The following CSMD1 variants were observed in gnomAD, a reference collection of about 807,000 sequenced individuals.
CSMD1 encodes CUB and Sushi multiple domains 1.
A neutral mutation model predicts 417.5 loss-of-function variants in CSMD1; 213 were observed. The ratio of observed to expected loss-of-function variants is 0.51; its 90% CI spans 0.46 to 0.57. The LOEUF is 0.57. Ranked by LOEUF, CSMD1 falls within the 20% of genes least tolerant of loss-of-function variation. CSMD1 has a pLI of 0.00. For missense variants in CSMD1, 6,923 were observed against 4,529.7 expected (o/e 1.53, Z -15.17); for synonymous variants, 2,862 against 1,736.8 (o/e 1.65, Z -16.11).
intron 3 of CSMD1, among the ~76,000 whole-genome samples, chr8:4,159,995 T>C (rs1647291): frequency 0.63 from 95,250 of 151,748 alleles, 31,183 homozygotes; most frequent in Non-Finnish European, 0.72. Flanking sequence ...CAATGTATAA[T>C]GCTCTGGTGA....
chr8:3,488,989 A>C (rs1041021200), intron 11 of CSMD1, among the ~76,000 whole-genome samples: 1 of 152,198 alleles, frequency 6.6e-6, no homozygotes, highest in Non-Finnish European at 1.5e-5. Flanking sequence ...TCAATTGTTT[A>C]TGCTTTCCCC....
At chr8:4,955,158 C>A (rs368509232) in intron 1 of CSMD1, among the ~76,000 whole-genome samples, 3 of 152,104 alleles carry the variant, frequency 2.0e-5, no homozygotes, top group Non-Finnish European at 4.4e-5. Flanking sequence ...TATCAGAAAC[C>A]CTCTGAGTGC....
At chr8:3,308,556 T>A (rs1805072778) in intron 23 of CSMD1, 53 bp from the exon 24 acceptor site, 4 of 1,455,174 alleles carry the variant, frequency 2.7e-6, no homozygotes, top group Non-Finnish European at 3.8e-6. Flanking sequence ...GACATCTGCC[T>A]TAAAACAGAG....
intron 6 of CSMD1, among the ~76,000 whole-genome samples, chr8:3,712,402 CAGACAGACAG>C (rs1801573084): frequency 1.2e-5 from 1 of 84,584 alleles, no homozygotes; most frequent in Admixed American, 1.2e-4. Context: ...GAGAGAGAGA[CAGACAGACAG>C]ACAGACAGAC....
chr8:3,881,688 T>TG (rs1318607249), intron 5 of CSMD1, among the ~76,000 whole-genome samples: 2 of 150,302 alleles, frequency 1.3e-5, no homozygotes, highest in Non-Finnish European at 3.0e-5. Flanking sequence ...AAAAACAATT[T>TG]GGAAAAAAAG....
At chr8:3,422,812 G>C (rs938175868) in intron 12 of CSMD1, among the ~76,000 whole-genome samples, 4 of 152,142 alleles carry the variant, frequency 2.6e-5, no homozygotes, top group African/African-American at 7.2e-5. Flanking sequence ...TCAAGATAAA[G>C]GCACTGGGAA....
intron 1 of CSMD1, among the ~76,000 whole-genome samples, chr8:4,748,040 G>C (rs1229422755): frequency 6.6e-6 from 1 of 152,166 alleles, no homozygotes; most frequent in Non-Finnish European, 1.5e-5. Context: ...TGTAGAAGTA[G>C]AAATAAAAAC....
chr8:4,098,169 T>C (rs1801122443), intron 3 of CSMD1, among the ~76,000 whole-genome samples: 1 of 152,176 alleles, frequency 6.6e-6, no homozygotes, highest in Admixed American at 6.5e-5. Flanking sequence ...TAACATGTTT[T>C]GCAGCTTTAG....
chr8:4,800,900 C>T (rs55777483), intron 1 of CSMD1, among the ~76,000 whole-genome samples: 19,630 of 152,282 alleles, frequency 0.13, 1,637 homozygotes, highest in Non-Finnish European at 0.18. Flanking sequence ...ACGTCTTGTA[C>T]TCATCACAGA....
chr8:3,438,001 A>T (rs1047652234), intron 12 of CSMD1, among the ~76,000 whole-genome samples: 7 of 152,142 alleles, frequency 4.6e-5, no homozygotes, highest in Non-Finnish European at 7.4e-5. Flanking sequence ...TCAGCCTCCC[A>T]AAGTACTGAT....
intron 3 of CSMD1, among the ~76,000 whole-genome samples, chr8:4,340,277 G>A (rs899996973): frequency 6.6e-6 from 1 of 151,606 alleles, no homozygotes; most frequent in African/African-American, 2.4e-5. Context: ...CTTTTTCCTT[G>A]AGACTAGTCA....
chr8:4,307,413 G>A (rs569466640), intron 3 of CSMD1, among the ~76,000 whole-genome samples: 73 of 152,164 alleles, frequency 4.8e-4, no homozygotes, highest in African/African-American at 1.4e-3. Context: ...CACAATTCTC[G>A]TATCACACCA....
intron 9 of CSMD1, among the ~76,000 whole-genome samples, chr8:3,585,839 T>G (rs1226643949): frequency 6.6e-6 from 1 of 152,170 alleles, no homozygotes; most frequent in Non-Finnish European, 1.5e-5. Flanking sequence ...GGACATATAT[T>G]CACACACATG....
intron 11 of CSMD1, among the ~76,000 whole-genome samples, chr8:3,487,403 A>T (rs187930976): frequency 2.0e-5 from 3 of 152,020 alleles, no homozygotes; most frequent in African/African-American, 2.4e-5. Flanking sequence ...GGGTTTCACC[A>T]TGTTAGCCAG....
intron 57 of CSMD1, among the ~76,000 whole-genome samples, chr8:2,970,138 G>A (rs569590213): frequency 2.4e-4 from 36 of 152,258 alleles, no homozygotes; most frequent in African/African-American, 7.0e-4. Flanking sequence ...AGATTGGGAA[G>A]TGAAACGCAA....
chr8:3,932,858 A>C (rs116605590), intron 5 of CSMD1, among the ~76,000 whole-genome samples: 21 of 150,542 alleles, frequency 1.4e-4, no homozygotes, highest in African/African-American at 4.9e-4. Flanking sequence ...AGATTTCACT[A>C]TTGTGTAAAG....
intron 12 of CSMD1, among the ~76,000 whole-genome samples, chr8:3,437,417 AG>A (rs2117044826): frequency 6.6e-6 from 1 of 152,278 alleles, no homozygotes; most frequent in African/African-American, 2.4e-5. Flanking sequence ...CTTATCCTAA[AG>A]GCTGAATTAA....
chr8:3,672,747 G>C (rs1554507211), intron 7 of CSMD1, among the ~76,000 whole-genome samples: 3 of 152,272 alleles, frequency 2.0e-5, no homozygotes, highest in East Asian at 1.9e-4. Context: ...ATTTAAACCA[G>C]GCAAATGGAA....
At chr8:4,783,429 G>C (rs575651617) in intron 1 of CSMD1, among the ~76,000 whole-genome samples, 2 of 152,274 alleles carry the variant, frequency 1.3e-5, no homozygotes, top group African/African-American at 4.8e-5. Flanking sequence ...TCAATTCAGT[G>C]CTTTGGCTTT....
Sources: allele counts gnomAD v4.1 joint callset (sites outside exome capture counted in the v4.1 genomes callset), GRCh38; gene constraint gnomAD v4.1.1; transcripts MANE v1.5; gene names NCBI Gene and HGNC (gene_info 2026-07-23, HGNC 2026-07-21).